The following UNC13C variants were observed in gnomAD, a reference collection of about 807,000 sequenced individuals.
The protein encoded by UNC13C is protein unc-13 homolog C.
In UNC13C, 174 loss-of-function variants were observed where a neutral mutation model predicts 245.4. The observed-to-expected ratio is 0.71, with a 90% CI of 0.63 to 0.80. UNC13C has a LOEUF of 0.80. Among genes scored for constraint, UNC13C ranks in the 30% least tolerant of loss-of-function variants. The pLI, the probability that UNC13C is intolerant of heterozygous loss-of-function variation, is 0.00. For synonymous variants in UNC13C, 992 were observed against 895.1 expected (o/e 1.11, Z -1.93); for missense variants, 2,829 against 2,602.9 (o/e 1.09, Z -1.89).
At chr15:53,924,978 G>A in the UNC13C span, among the ~76,000 whole-genome samples, 1 of 152,180 alleles carries the variant, frequency 6.6e-6, no homozygotes, top group African/African-American at 2.4e-5. Flanking sequence ...AAGGTGAGAT[G>A]GGATTTAAGC....
At chr15:54,590,187 T>A (rs1300989771) in intron 30 of UNC13C, among the ~76,000 whole-genome samples, 2 of 152,242 alleles carry the variant, frequency 1.3e-5, no homozygotes, top group Admixed American at 1.3e-4. Flanking sequence ...TTTTGGTGAC[T>A]ATGGCCTTAT....
chr15:53,932,334 ACAAC>A, the UNC13C span, among the ~76,000 whole-genome samples: 7 of 151,676 alleles, frequency 4.6e-5, no homozygotes, highest in African/African-American at 1.5e-4. Context: ...AACAACAACA[ACAAC>A]AACAAACAGT....
chr15:54,543,910 A>G (rs1023156835), intron 26 of UNC13C, among the ~76,000 whole-genome samples: 1 of 152,200 alleles, frequency 6.6e-6, no homozygotes, highest in African/African-American at 2.4e-5. Context: ...ATTCCAAACA[A>G]TAGAAAAAGA....
downstream of UNC13C, chr15:54,632,928 G>C (rs1901483149): frequency 6.6e-6 from 1 of 152,314 alleles, no homozygotes; most frequent in Admixed American, 6.5e-5. Context: ...CACTTTGGGA[G>C]GTCAAGGCAG....
chr15:54,223,073 T>C (rs2035275606), intron 4 of UNC13C, among the ~76,000 whole-genome samples: 1 of 152,184 alleles, frequency 6.6e-6, no homozygotes, highest in Non-Finnish European at 1.5e-5. Flanking sequence ...TTGTTTCCTT[T>C]GCTGTGCAGA....
chr15:53,879,795 C>G, the UNC13C span, among the ~76,000 whole-genome samples: 1 of 152,114 alleles, frequency 6.6e-6, no homozygotes, highest in African/African-American at 2.4e-5. Context: ...CCATTTTGGT[C>G]AGGCTGGTCT....
At chr15:54,299,705 A>G (rs1221331176) in intron 12 of UNC13C, among the ~76,000 whole-genome samples, 9 of 152,162 alleles carry the variant, frequency 5.9e-5, no homozygotes, top group Admixed American at 5.9e-4. Flanking sequence ...TTTTGATGTA[A>G]GACAAGTATC....
chr15:54,539,551 C>A (rs186751751), intron 26 of UNC13C, among the ~76,000 whole-genome samples: 6 of 152,138 alleles, frequency 3.9e-5, no homozygotes, highest in African/African-American at 1.4e-4. Flanking sequence ...ACTATAAACA[C>A]CCCAACATTG....
chr15:54,370,846 C>G (rs2039471694), intron 17 of UNC13C, among the ~76,000 whole-genome samples: 1 of 151,824 alleles, frequency 6.6e-6, no homozygotes, highest in Admixed American at 6.6e-5. Context: ...TTAAAATATC[C>G]TTCATTAAAA....
the UNC13C span, among the ~76,000 whole-genome samples, chr15:53,906,343 T>A: frequency 6.6e-6 from 1 of 152,052 alleles, no homozygotes; most frequent in African/African-American, 2.4e-5. Flanking sequence ...TGTAATTGAG[T>A]TATATGAATA....
At chr15:54,241,727 T>C (rs1041387149) in intron 7 of UNC13C, among the ~76,000 whole-genome samples, 9 of 152,194 alleles carry the variant, frequency 5.9e-5, no homozygotes, top group Non-Finnish European at 1.0e-4. Flanking sequence ...TTTCTCTTTA[T>C]ACAGTGGCCG....
the UNC13C span, chr15:53,948,109 A>C: frequency 9.8e-5 from 15 of 152,298 alleles, no homozygotes; most frequent in African/African-American, 3.6e-4. Context: ...CAAAACCAAA[A>C]TCTTGATTTA....
intron 7 of UNC13C, 40 bp downstream of exon 7, chr15:54,237,730 T>TATGA: frequency 2.0e-6 from 3 of 1,478,626 alleles, no homozygotes; most frequent in South Asian, 1.2e-5. Context: ...AACTAGATAT[T>TATGA]GCTCATAATC....
At chr15:54,186,593 A>G (rs1005941718) in intron 4 of UNC13C, among the ~76,000 whole-genome samples, 2 of 151,990 alleles carry the variant, frequency 1.3e-5, no homozygotes, top group African/African-American at 2.4e-5. Context: ...AATGTATGTT[A>G]TTATTTTAAT....
chr15:54,465,626 T>C (rs112474228), intron 19 of UNC13C, among the ~76,000 whole-genome samples: 20 of 152,050 alleles, frequency 1.3e-4, no homozygotes, highest in African/African-American at 4.8e-4. Context: ...TCATTCAGGA[T>C]GGGGAGAAAA....
intron 25 of UNC13C, among the ~76,000 whole-genome samples, chr15:54,528,317 C>A (rs62022415): frequency 9.6e-6 from 1 of 103,992 alleles, no homozygotes; most frequent in African/African-American, 3.2e-5. Flanking sequence ...TTGGTTTGCT[C>A]CTTTTTTTTT....
chr15:54,125,905 A>T (rs532413382), intron 2 of UNC13C, among the ~76,000 whole-genome samples: 14 of 152,268 alleles, frequency 9.2e-5, no homozygotes, highest in Non-Finnish European at 1.8e-4. Context: ...ATTACTTTCA[A>T]CTGCCAATAT....
intron 4 of UNC13C, among the ~76,000 whole-genome samples, chr15:54,193,578 T>G (rs2034258267): frequency 6.6e-6 from 1 of 152,120 alleles, no homozygotes; most frequent in Non-Finnish European, 1.5e-5. Flanking sequence ...CCAAAAAGTC[T>G]GCACTCACAC....
intron 2 of UNC13C, among the ~76,000 whole-genome samples, chr15:54,055,327 G>C (rs960490863): frequency 7.2e-5 from 11 of 151,984 alleles, no homozygotes; most frequent in African/African-American, 2.7e-4. Flanking sequence ...CATTAGTCTT[G>C]TCTTCTTTTC....
Sources: allele counts gnomAD v4.1 joint callset (sites outside exome capture counted in the v4.1 genomes callset), GRCh38; gene constraint gnomAD v4.1.1; transcripts MANE v1.5; gene names NCBI Gene and HGNC (gene_info 2026-07-23, HGNC 2026-07-21).